Variants in SGCD observed in about 807,000 individuals in gnomAD.
SGCD encodes delta-sarcoglycan.
Under a neutral mutation model 36.6 loss-of-function variants are expected in SGCD, and 18 were observed. The observed-to-expected ratio is 0.49, with a 90% CI of 0.34 to 0.73. The LOEUF is 0.73. SGCD is among the 30% of genes least tolerant of loss of function. The pLI is 0.01. For missense variants in SGCD, 387 were observed against 346.7 expected (o/e 1.12, Z -0.92); for synonymous variants, 133 against 130.6 (o/e 1.02, Z -0.12).
intron 3 of SGCD, among the ~76,000 whole-genome samples, chr5:156,497,646 A>G (rs201915194): frequency 8.5e-6 from 1 of 116,992 alleles, no homozygotes; most frequent in Non-Finnish European, 2.1e-5. Flanking sequence ...TCTCTCTCTC[A>G]CACACACACA....
At chr5:155,946,147 C>G (rs1245519253) in intron 1 of SGCD, among the ~76,000 whole-genome samples, 1 of 152,156 alleles carries the variant, frequency 6.6e-6, no homozygotes, top group African/African-American at 2.4e-5. Context: ...GGATTGCAAA[C>G]AGCGGGTCTG....
the SGCD span, among the ~76,000 whole-genome samples, chr5:155,731,876 C>T: frequency 1.3e-5 from 2 of 152,202 alleles, no homozygotes; most frequent in Non-Finnish European, 2.9e-5. Flanking sequence ...GGCTTTGATA[C>T]ACGTGGTGTA....
At chr5:155,936,585 A>G (rs1757206808) in intron 1 of SGCD, among the ~76,000 whole-genome samples, 1 of 152,150 alleles carries the variant, frequency 6.6e-6, no homozygotes, top group Non-Finnish European at 1.5e-5. Flanking sequence ...TAGGCTTCAG[A>G]GGAAAGGAGG....
intron 1 of SGCD, among the ~76,000 whole-genome samples, chr5:156,006,239 C>T (rs1301746945): frequency 1.3e-5 from 2 of 152,136 alleles, no homozygotes; most frequent in Non-Finnish European, 2.9e-5. Context: ...AATATTTCAC[C>T]CTATTTTCTA....
intron 3 of SGCD, among the ~76,000 whole-genome samples, chr5:156,485,443 A>C (rs1755617570): frequency 6.6e-6 from 1 of 152,170 alleles, no homozygotes; most frequent in Non-Finnish European, 1.5e-5. Flanking sequence ...CAGGTGGATC[A>C]CCTGAGATCA....
At chr5:155,822,659 C>T in the SGCD span, among the ~76,000 whole-genome samples, 4 of 152,126 alleles carry the variant, frequency 2.6e-5, no homozygotes, top group Non-Finnish European at 1.5e-5. Flanking sequence ...GAGTTGTCTC[C>T]ATTATATTTT....
chr5:156,239,267 G>A (rs1349106027), intron 3 of SGCD, among the ~76,000 whole-genome samples: 2 of 151,986 alleles, frequency 1.3e-5, no homozygotes, highest in East Asian at 3.9e-4. Context: ...GGGTGTGGTG[G>A]CAGGTGCCTG....
At chr5:155,847,133 A>G in the SGCD span, among the ~76,000 whole-genome samples, 2 of 152,172 alleles carry the variant, frequency 1.3e-5, no homozygotes, top group Non-Finnish European at 2.9e-5. Flanking sequence ...CTGTTTGTGT[A>G]TGCACATGAA....
intron 1 of SGCD, among the ~76,000 whole-genome samples, chr5:155,949,406 TATTTA>T (rs1371505734): frequency 1.3e-5 from 2 of 152,210 alleles, no homozygotes; most frequent in Non-Finnish European, 2.9e-5. Context: ...ATGATTAAAT[TATTTA>T]ATTCTTGGAA....
chr5:156,297,076 T>C (rs1324849694), intron 3 of SGCD, among the ~76,000 whole-genome samples: 2 of 151,904 alleles, frequency 1.3e-5, no homozygotes, highest in East Asian at 1.9e-4. Flanking sequence ...GATACAGACA[T>C]ACAATGCATA....
intron 3 of SGCD, among the ~76,000 whole-genome samples, chr5:156,228,486 C>T (rs1455949785): frequency 6.6e-6 from 1 of 152,224 alleles, no homozygotes; most frequent in Non-Finnish European, 1.5e-5. Flanking sequence ...TGTCAATTTG[C>T]ATTAAATGTC....
intron 3 of SGCD, among the ~76,000 whole-genome samples, chr5:156,177,021 A>T (rs891265175): frequency 6.6e-5 from 10 of 152,146 alleles, no homozygotes; most frequent in African/African-American, 2.4e-4. Context: ...TATTTTTTTG[A>T]AGCAGAGTCT....
intron 3 of SGCD, among the ~76,000 whole-genome samples, chr5:156,506,921 A>C (rs1368074467): frequency 2.6e-5 from 4 of 152,228 alleles, no homozygotes; most frequent in African/African-American, 7.2e-5. Flanking sequence ...TAAGAATAAT[A>C]GAATTAGGAT....
intron 7 of SGCD, among the ~76,000 whole-genome samples, chr5:156,658,654 C>T (rs1285996480): frequency 5.2e-5 from 4 of 76,948 alleles, no homozygotes; most frequent in Non-Finnish European, 9.5e-5. Context: ...ACAATTTGAT[C>T]TCTCTTGCTT....
chr5:155,749,030 GC>G, the SGCD span, among the ~76,000 whole-genome samples: 1 of 152,122 alleles, frequency 6.6e-6, no homozygotes, highest in Admixed American at 6.5e-5. Flanking sequence ...AATCTATGTG[GC>G]AAACACTGCG....
chr5:156,125,513 G>A (rs1010090145), intron 3 of SGCD, among the ~76,000 whole-genome samples: 1 of 151,980 alleles, frequency 6.6e-6, no homozygotes, highest in Non-Finnish European at 1.5e-5. Context: ...TTGTAGAACC[G>A]CTAGAAAGCT....
At chr5:155,795,109 A>G in the SGCD span, among the ~76,000 whole-genome samples, 1 of 152,150 alleles carries the variant, frequency 6.6e-6, no homozygotes, top group Admixed American at 6.5e-5. Context: ...AAATGGAGGT[A>G]AAATATAAAC....
At chr5:156,432,711 C>T (rs527743504) in intron 3 of SGCD, among the ~76,000 whole-genome samples, 37 of 152,126 alleles carry the variant, frequency 2.4e-4, no homozygotes, top group Non-Finnish European at 4.6e-4. Flanking sequence ...ATAACTGCCA[C>T]TGTTGTACAG....
chr5:156,362,465 G>A (rs1769850814), intron 3 of SGCD, among the ~76,000 whole-genome samples: 1 of 152,170 alleles, frequency 6.6e-6, no homozygotes, highest in Admixed American at 6.5e-5. Context: ...GGCCAACATG[G>A]TGAAACCCCA....
Sources: allele counts gnomAD v4.1 joint callset (sites outside exome capture counted in the v4.1 genomes callset), GRCh38; gene constraint gnomAD v4.1.1; transcripts MANE v1.5; gene names NCBI Gene and HGNC (gene_info 2026-07-23, HGNC 2026-07-21).